Variants in KCNU1 observed in about 807,000 individuals in gnomAD.
The protein encoded by KCNU1 is potassium channel subfamily U member 1.
KCNU1 carries 93 observed loss-of-function variants against 126.8 expected under a neutral mutation model. The observed-to-expected ratio is 0.73, with a 90% CI of 0.62 to 0.87. The LOEUF (loss-of-function observed/expected upper bound fraction) is 0.87. Ranked by LOEUF, KCNU1 falls within the 40% of genes least tolerant of loss-of-function variation. The probability of loss-of-function intolerance (pLI) is 0.00; values close to 1 mark genes in which losing one functional copy is unlikely to be tolerated. For synonymous variants in KCNU1, 523 were observed against 494.2 expected, an observed-to-expected ratio of 1.06 and a Z score of -0.77; for missense variants, 1,330 against 1,367.1, an observed-to-expected ratio of 0.97 and a Z score of 0.43.
At chr8:36,905,285 G>A (rs1807578696) in intron 19 of KCNU1, among the ~76,000 whole-genome samples, 2 of 152,026 alleles carry the variant, frequency 1.3e-5, no homozygotes, top group South Asian at 4.2e-4. Context: ...GGAGACAGGA[G>A]GAAAATAGGC....
At chr8:36,904,884 T>C (rs1807561842) in intron 19 of KCNU1, among the ~76,000 whole-genome samples, 1 of 152,054 alleles carries the variant, frequency 6.6e-6, no homozygotes. Context: ...AAGTAAGCTG[T>C]GTTGTGTCAG....
chr8:36,833,486 T>C, intron 10 of KCNU1, 68 bp from the exon 11 acceptor site: 2 of 893,740 alleles, frequency 2.2e-6, no homozygotes, highest in Admixed American at 3.7e-5. Flanking sequence ...AAATTAGTTA[T>C]AAAAACCTCT....
rs1234355841 is a variant in KCNU1, at chr8:36,804,067, T to C, written c.356T>C (p.Ile119Thr). 6.4e-7 allele frequency: 1 copy of C among 1,559,292 alleles called. No individual in the cohort carries two copies. The highest frequency in any genetic ancestry group is 1.9e-5 in the Admixed American group (1 of 52,050). ...GTACTAAGCATTGGGTCTCTTATAATCTATTTCATCAATTCTGCTGAGTGA... is the reference window on the plus strand; with the variant it reads ...GTACTAAGCATTGGGTCTCTTATAACCTATTTCATCAATTCTGCTGAGTGA... Reference protein sequence around the residue: ...VFVLSIGSLIIYFINSADPVG... With the variant: ...VFVLSIGSLITYFINSADPVG... The change falls in exon 3 of 27, where the codon ATC becomes ACC. Residue 119 changes from isoleucine to threonine, a missense_variant. Physicochemically the swap from Ile to Thr is moderately conservative, Grantham distance 89. Coordinates refer to ENST00000399881, the MANE Select transcript of KCNU1 (RefSeq NM_001031836.3).
chr8:36,799,043 C>T (rs1803207717), intron 2 of KCNU1, among the ~76,000 whole-genome samples: 1 of 152,076 alleles, frequency 6.6e-6, no homozygotes, highest in South Asian at 2.1e-4. Flanking sequence ...TTTATTGATC[C>T]CCCAGGCACC....
rs1435294365 is a variant in KCNU1 at position 36,836,883 on chromosome 8, G to C, written c.1456G>C (p.Gly486Arg). 1 of 1,613,812 alleles carries C rather than the reference G, an allele frequency of 6.2e-7. No homozygotes were observed. The highest frequency in any genetic ancestry group is 8.5e-7 in the Non-Finnish European group (1 of 1,179,808). ...AELKLGFIAQ[G>R]CLVPGLCTFL... is the part of the protein sequence containing the mutation. Reference sequence around the variant, plus strand: ...ATTAAAACTTGGATTTATCGCCCAAGGCTGTTTGGTGCCAGGCTTGTGTAC... The same window carrying C: ...ATTAAAACTTGGATTTATCGCCCAACGCTGTTTGGTGCCAGGCTTGTGTAC... The change falls in exon 14 of 27, where the codon GGC (glycine) becomes CGC (arginine). Residue 486 changes from glycine (G) to arginine (R), a missense_variant. Physicochemically the swap from Gly to Arg is moderately radical, Grantham distance 125. Around this residue, in one of 3 missense-constraint regions of KCNU1, gnomAD observed 1,054 missense variants for 1,053.9 expected, o/e 1.00. Transcript: ENST00000399881.
intron 1 of KCNU1, 59 bp downstream of exon 1, chr8:36,784,664 T>C (rs1802650158): frequency 1.5e-6 from 2 of 1,291,270 alleles, no homozygotes; most frequent in African/African-American, 1.5e-5. Flanking sequence ...TGGGGTAGTT[T>C]TGTGTTTAGT....
At chr8:36,900,938 A>ATAT (rs1179095336) in intron 19 of KCNU1, among the ~76,000 whole-genome samples, 1 of 152,110 alleles carries the variant, frequency 6.6e-6, no homozygotes, top group Non-Finnish European at 1.5e-5. Flanking sequence ...CCCCAAAAAT[A>ATAT]TATTGCTCTG....
At chr8:36,802,292 T>A (rs1803341551) in intron 2 of KCNU1, among the ~76,000 whole-genome samples, 1 of 152,058 alleles carries the variant, frequency 6.6e-6, no homozygotes, top group African/African-American at 2.4e-5. Context: ...TGGAGAAATG[T>A]CAGGGTACTT....
intron 18 of KCNU1, among the ~76,000 whole-genome samples, chr8:36,849,425 C>T (rs1372187712): frequency 6.6e-6 from 1 of 152,026 alleles, no homozygotes; most frequent in Non-Finnish European, 1.5e-5. Flanking sequence ...CCCGTCTGTA[C>T]TAAAAATACA....
chr8:36,905,774 C>T lies in KCNU1; in HGVS notation c.2076C>T (p.Cys692=), dbSNP rs750167235. 40 of 1,590,796 alleles carry T rather than the reference C, an allele frequency of 2.5e-5. No homozygotes were observed. Among genetic ancestry groups the T allele is most frequent in the Non-Finnish European group, 3.2e-5 (37 of 1,165,288 alleles). The part of the protein sequence containing the change: ...QLDSSGMFHW[C]KPTSLDKVTL... ...ATAGCAGTGGGATGTTTCACTGGTG[C>T]AAACCAACCTCTTTGGACAAGGTGA... is the stretch of plus-strand genomic sequence containing the variant. The change falls in exon 20 of 27, where the codon TGC becomes TGT. Residue 692 remains cysteine, a synonymous_variant. Transcript: ENST00000399881.
chr8:36,811,866 A>C (rs2130447990), intron 7 of KCNU1, among the ~76,000 whole-genome samples: 1 of 152,302 alleles, frequency 6.6e-6, no homozygotes, highest in East Asian at 1.9e-4. Context: ...CAGGAGTTCG[A>C]GACCAGCCTG....
intron 14 of KCNU1, among the ~76,000 whole-genome samples, chr8:36,838,507 G>A (rs1018152945): frequency 3.3e-5 from 5 of 152,056 alleles, no homozygotes; most frequent in African/African-American, 7.2e-5. Context: ...CCTTGCCAAC[G>A]TAGTGAAACC....
At chr8:36,881,349 G>A (rs1017792119) in intron 19 of KCNU1, among the ~76,000 whole-genome samples, 1 of 151,966 alleles carries the variant, frequency 6.6e-6, no homozygotes, top group East Asian at 1.9e-4. Context: ...CAGCCTCTGG[G>A]GTAACTAGTA....
chr8:36,852,894 A>G (rs1014192414), intron 18 of KCNU1, among the ~76,000 whole-genome samples: 2 of 151,230 alleles, frequency 1.3e-5, no homozygotes. Context: ...TTTTTTTCTA[A>G]TTTTTTCTAT....
rs369682146 is a variant in KCNU1, at chr8:36,804,100, G to A, written c.377+12G>A. Reference sequence around the variant, plus strand: ...ATCAATTCTGCTGAGTGAGTACAATGTCCAGTCACACTTGTCTGCTATATC... The same window carrying A: ...ATCAATTCTGCTGAGTGAGTACAATATCCAGTCACACTTGTCTGCTATATC... On this transcript the variant is annotated intron_variant, in intron 3 of 26. Transcript: ENST00000399881. The A allele has an allele frequency of 9.8e-6, 15 of 1,526,810 alleles. No individual in the cohort carries two copies. Among genetic ancestry groups the A allele is most frequent in the Middle Eastern group, 1.7e-4 (1 of 5,946 alleles). 94.6% of individuals were successfully genotyped at this position (1,526,810 alleles called of 1,614,324 possible).
intron 16 of KCNU1, among the ~76,000 whole-genome samples, chr8:36,844,539 A>G (rs1382267338): frequency 6.6e-6 from 1 of 152,252 alleles, no homozygotes; most frequent in Non-Finnish European, 1.5e-5. Context: ...GTAAATACTC[A>G]GAAAAGGCCA....
intron 3 of KCNU1, among the ~76,000 whole-genome samples, chr8:36,804,410 G>A (rs985519399): frequency 5.9e-5 from 9 of 152,056 alleles, no homozygotes; most frequent in Non-Finnish European, 1.2e-4. Flanking sequence ...CACTCATGAA[G>A]GTTTTATATG....
intron 2 of KCNU1, 40 bp downstream of exon 2, chr8:36,787,465 G>T (rs1802749264): frequency 1.3e-6 from 2 of 1,565,444 alleles, no homozygotes; most frequent in South Asian, 2.3e-5. Context: ...ACAAACTTTA[G>T]CCATAGGTGT....
chr8:36,829,795 A>G (rs910112962), intron 10 of KCNU1, among the ~76,000 whole-genome samples: 1 of 151,240 alleles, frequency 6.6e-6, no homozygotes, highest in Non-Finnish European at 1.5e-5. Context: ...AGTACCCCTG[A>G]ATAATGTGGT....
Sources: allele counts gnomAD v4.1 joint callset (sites outside exome capture counted in the v4.1 genomes callset), GRCh38; gene constraint gnomAD v4.1.1; regional missense constraint gnomAD v4.1.1; transcripts MANE v1.5; gene names NCBI Gene and HGNC (gene_info 2026-07-23, HGNC 2026-07-21).